Variants in MXI1 observed in about 807,000 individuals in gnomAD.
MXI1 encodes max-interacting protein 1.
A neutral mutation model predicts 36.9 loss-of-function variants in MXI1; 18 were observed. The ratio of observed to expected loss-of-function variants is 0.49; its 90% CI spans 0.34 to 0.72. The LOEUF is 0.72. MXI1 is among the 30% of genes least tolerant of loss of function. MXI1 has a pLI of 0.01. For missense variants in MXI1, 304 were observed against 379.1 expected (o/e 0.80, Z 1.64); for synonymous variants, 160 against 146.7 (o/e 1.09, Z -0.65).
intron 1 of MXI1, chr10:110,226,055 G>A: frequency 2.0e-6 from 2 of 994,614 alleles, no homozygotes; most frequent in Non-Finnish European, 2.4e-6. Flanking sequence ...GGCTGGGGCG[G>A]CAGGGGCGGC....
intron 2 of MXI1, among the ~76,000 whole-genome samples, chr10:110,242,686 C>T (rs1855713924): frequency 6.6e-6 from 1 of 151,940 alleles, no homozygotes; most frequent in African/African-American, 2.4e-5. Flanking sequence ...TTGTTCACAG[C>T]AGTGGGTCAG....
At chr10:110,211,886 G>T (rs1854524831) in intron 1 of MXI1, among the ~76,000 whole-genome samples, 1 of 152,148 alleles carries the variant, frequency 6.6e-6, no homozygotes, top group Non-Finnish European at 1.5e-5. Context: ...CACAAATTCA[G>T]AAATTATATG....
At chr10:110,215,785 G>C (rs1400376693) in intron 1 of MXI1, among the ~76,000 whole-genome samples, 3 of 152,188 alleles carry the variant, frequency 2.0e-5, no homozygotes, top group Non-Finnish European at 4.4e-5. Flanking sequence ...TGATGAGGTG[G>C]CTATCCCAAG....
chr10:110,251,881 A>G (rs924625304), intron 3 of MXI1, among the ~76,000 whole-genome samples: 2 of 152,184 alleles, frequency 1.3e-5, no homozygotes, highest in African/African-American at 4.8e-5. Context: ...TCAGATTAGT[A>G]GTGGAAGATG....
intron 3 of MXI1, among the ~76,000 whole-genome samples, chr10:110,265,602 T>C (rs968943544): frequency 1.3e-5 from 2 of 152,184 alleles, no homozygotes; most frequent in African/African-American, 4.8e-5. Context: ...CATTGTGTGC[T>C]AGGTAATGGG....
chr10:110,247,081 C>CT (rs1855894758), intron 3 of MXI1, among the ~76,000 whole-genome samples: 1 of 152,124 alleles, frequency 6.6e-6, no homozygotes, highest in African/African-American at 2.4e-5. Flanking sequence ...TAACACTGGA[C>CT]TAGGGACTCT....
intron 3 of MXI1, among the ~76,000 whole-genome samples, chr10:110,278,403 C>T (rs527973028): frequency 3.3e-5 from 5 of 151,702 alleles, no homozygotes; most frequent in African/African-American, 4.8e-5. Context: ...GTGAGAGAGA[C>T]GAGAGAGGAA....
At chr10:110,240,138 T>C (rs1458883896) in intron 2 of MXI1, among the ~76,000 whole-genome samples, 1 of 152,134 alleles carries the variant, frequency 6.6e-6, no homozygotes, top group Non-Finnish European at 1.5e-5. Flanking sequence ...TAATATTACA[T>C]TGTATGAATA....
chr10:110,252,922 G>A (rs139738290), intron 3 of MXI1, among the ~76,000 whole-genome samples: 2,520 of 152,158 alleles, frequency 0.017, 36 homozygotes, highest in Non-Finnish European at 0.027. Context: ...TGATAAGTAA[G>A]AACAGCTTAA....
At chr10:110,227,332 G>T in intron 1 of MXI1, 2 of 984,426 alleles carry the variant, frequency 2.0e-6, no homozygotes, top group Non-Finnish European at 2.4e-6. Flanking sequence ...GCGCGTGCGT[G>T]GGGAGGTGTG....
At chr10:110,208,438 T>TTTC (rs761839450) in intron 1 of MXI1, 19 of 167,142 alleles carry the variant, frequency 1.1e-4, no homozygotes, top group South Asian at 2.3e-4. Flanking sequence ...TTTTTTTTTT[T>TTTC]CCGGAGCCTT....
At chr10:110,225,321 T>C (rs1360966222) in intron 1 of MXI1, among the ~76,000 whole-genome samples, 1 of 152,072 alleles carries the variant, frequency 6.6e-6, no homozygotes, top group Non-Finnish European at 1.5e-5. Flanking sequence ...CCAGGGAGAA[T>C]TTTCTGGCGT....
intron 3 of MXI1, chr10:110,257,811 C>A: frequency 2.8e-6 from 1 of 351,448 alleles, no homozygotes. Context: ...GATGCCTGAG[C>A]TGCTGGAACC....
At chr10:110,230,583 A>T (rs1855224840) in intron 2 of MXI1, among the ~76,000 whole-genome samples, 1 of 152,178 alleles carries the variant, frequency 6.6e-6, no homozygotes, top group South Asian at 2.1e-4. Flanking sequence ...ATGAGAGAGA[A>T]CTAGTATGTT....
intron 3 of MXI1, among the ~76,000 whole-genome samples, chr10:110,277,662 T>TA (rs1857082775): frequency 6.6e-6 from 1 of 152,238 alleles, no homozygotes; most frequent in Non-Finnish European, 1.5e-5. Flanking sequence ...CCACACCAGT[T>TA]ACGTCAGGTT....
intron 1 of MXI1, chr10:110,208,568 A>C: frequency 6.5e-6 from 1 of 152,686 alleles, no homozygotes; most frequent in South Asian, 2.0e-4. Flanking sequence ...ACACAGACAC[A>C]CACTACAACA....
chr10:110,246,997 CAT>C (rs1330056852), intron 3 of MXI1, among the ~76,000 whole-genome samples: 1 of 152,100 alleles, frequency 6.6e-6, no homozygotes, highest in Non-Finnish European at 1.5e-5. Flanking sequence ...TATTGATAAA[CAT>C]GTGGCTTTTA....
At chr10:110,228,089 G>C (rs1458017741) in intron 1 of MXI1, 100 bp from the exon 2 acceptor site, 1 of 1,361,300 alleles carries the variant, frequency 7.3e-7, no homozygotes, top group African/African-American at 1.4e-5. Context: ...CTCTTTTCCT[G>C]CTTTCAAAAA....
At chr10:110,226,096 C>A in intron 1 of MXI1, 1 of 1,136,610 alleles carries the variant, frequency 8.8e-7, no homozygotes. Context: ...GCCGAGCTGG[C>A]CCGCCCGCCC....
Sources: allele counts gnomAD v4.1 joint callset (sites outside exome capture counted in the v4.1 genomes callset), GRCh38; gene constraint gnomAD v4.1.1; transcripts MANE v1.5; gene names NCBI Gene and HGNC (gene_info 2026-07-23, HGNC 2026-07-21).